The following ANK3 variants were observed in gnomAD, a reference collection of about 807,000 sequenced individuals.
ANK3 encodes ankyrin-3.
A neutral mutation model predicts 370.9 loss-of-function variants in ANK3; 57 were observed. The ratio of observed to expected loss-of-function variants is 0.15; its 90% CI spans 0.12 to 0.19. The LOEUF is 0.19. Among genes scored for constraint, ANK3 ranks in the 10% least tolerant of loss-of-function variants. ANK3 has a pLI of 1.00. For synonymous variants in ANK3, 1,929 were observed against 1,946.3 expected, an observed-to-expected ratio of 0.99 and a Z score of 0.23; for missense variants, 4,439 against 5,302.1, an observed-to-expected ratio of 0.84 and a Z score of 5.06.
chr10:60,513,730 A>T (rs1441284347), intron 2 of ANK3, among the ~76,000 whole-genome samples: 1 of 152,166 alleles, frequency 6.6e-6, no homozygotes, highest in African/African-American at 2.4e-5. Flanking sequence ...AATGCATAGC[A>T]TATGGAAGGG....
chr10:60,330,336 T>A (rs1330433017), intron 1 of ANK3, among the ~76,000 whole-genome samples: 1 of 152,140 alleles, frequency 6.6e-6, no homozygotes, highest in African/African-American at 2.4e-5. Context: ...ATCAACAGAC[T>A]GAACAGGCAG....
intron 1 of ANK3, among the ~76,000 whole-genome samples, chr10:60,321,995 T>C (rs1273780095): frequency 6.6e-6 from 1 of 152,202 alleles, no homozygotes; most frequent in Non-Finnish European, 1.5e-5. Flanking sequence ...TGGACCTCCC[T>C]ACTTTTGTAA....
chr10:60,540,606 G>A (rs1233140916), intron 2 of ANK3, among the ~76,000 whole-genome samples: 1 of 151,874 alleles, frequency 6.6e-6, no homozygotes, highest in Non-Finnish European at 1.5e-5. Flanking sequence ...AAGGTACATG[G>A]ATGAAGATGG....
chr10:60,635,658 C>T (rs977574434), intron 1 of ANK3, among the ~76,000 whole-genome samples: 3 of 151,296 alleles, frequency 2.0e-5, no homozygotes, highest in African/African-American at 4.9e-5. Flanking sequence ...TTAAAATGTT[C>T]GTAGTCATTT....
At chr10:60,665,768 C>T (rs1192698150) in intron 1 of ANK3, among the ~76,000 whole-genome samples, 2 of 152,078 alleles carry the variant, frequency 1.3e-5, no homozygotes, top group South Asian at 2.1e-4. Context: ...TCTCAACCAC[C>T]GTGTAATAAC....
At position 60,547,908 on chromosome 10, in the gene ANK3, T is replaced by C. The variant is rs368075574; in HGVS notation, c.96+67278A>G. Among the ~76,000 whole-genome samples the C allele has an allele frequency of 2.0e-5, 3 of 152,198 alleles. 1 individual carries two copies. Among genetic ancestry groups the C allele is most frequent in the African/African-American group, 7.2e-5 (3 of 41,492 alleles). The stretch of plus-strand genomic sequence containing the variant: ...CCATCTGGACATCATAGCCCTAAGT[T>C]TTATTTAATTTCTAAGAAAAAAAAC... On this transcript the variant is annotated intron_variant, in intron 2 of 43. Transcript: ENST00000373827.
chr10:60,693,204 A>G (rs2079383297), intron 1 of ANK3, among the ~76,000 whole-genome samples: 1 of 152,238 alleles, frequency 6.6e-6, no homozygotes, highest in Non-Finnish European at 1.5e-5. Context: ...GATGGGCTTA[A>G]AAAACAGCTC....
Position 60,076,218 on chromosome 10 carries a change from C to A in ANK3, c.4663G>T (p.Ala1555Ser), listed in dbSNP as rs371584557. Residue 1555 changes from alanine (A) to serine (S), a missense_variant, in exon 37 of 44, where the codon GCG (alanine) becomes TCG (serine). By Grantham distance (99) the Ala-to-Ser change is moderately conservative. Coordinates refer to ENST00000280772, the MANE Select transcript of ANK3 (RefSeq NM_020987.5). ...GATTTAACTGAAGATGTAGTTGACG[C>A]GCCTAATGTGGATTTGATTGGAGAA... Reference protein sequence around the residue: ...TPSPIKSTLGASTTSSVKSIS... With the variant: ...TPSPIKSTLGSSTTSSVKSIS... 1 of 1,613,998 alleles carries A rather than the reference C, an allele frequency of 6.2e-7. No individual in the cohort carries two copies. Among genetic ancestry groups the A allele is most frequent in the Non-Finnish European group, 8.5e-7 (1 of 1,180,004 alleles).
chr10:60,287,788 CT>C (rs1345905567), intron 1 of ANK3, among the ~76,000 whole-genome samples: 3 of 152,148 alleles, frequency 2.0e-5, no homozygotes, highest in African/African-American at 7.2e-5. Flanking sequence ...CATTTGAGTT[CT>C]GTGAAGCCCA....
chr10:60,158,536 T>G (rs2095412084), intron 23 of ANK3, among the ~76,000 whole-genome samples: 1 of 152,140 alleles, frequency 6.6e-6, no homozygotes, highest in African/African-American at 2.4e-5. Context: ...TTCTTTTCTT[T>G]GCAATCAGAA....
At chr10:60,081,299 G>C (rs1218367698) in intron 35 of ANK3, among the ~76,000 whole-genome samples, 2 of 152,106 alleles carry the variant, frequency 1.3e-5, no homozygotes, top group African/African-American at 4.8e-5. Context: ...TGGCTAGGCT[G>C]GTGTCGAACT....
At chr10:60,277,768 T>C (rs934982975) in intron 4 of ANK3, among the ~76,000 whole-genome samples, 12 of 152,188 alleles carry the variant, frequency 7.9e-5, no homozygotes, top group African/African-American at 2.9e-4. Flanking sequence ...AGTGTCTTTG[T>C]CAAAACTTGC....
At chr10:60,331,127 G>A (rs1037665078) in intron 1 of ANK3, among the ~76,000 whole-genome samples, 3 of 151,702 alleles carry the variant, frequency 2.0e-5, no homozygotes, top group Non-Finnish European at 2.9e-5. Flanking sequence ...GGGGTCGGGG[G>A]CATGGGGAGG....
intron 2 of ANK3, among the ~76,000 whole-genome samples, chr10:60,540,983 TA>T (rs1470328111): frequency 6.6e-6 from 1 of 151,850 alleles, no homozygotes; most frequent in African/African-American, 2.4e-5. Flanking sequence ...AAATAACAAA[TA>T]TATATCAAAA....
intron 1 of ANK3, among the ~76,000 whole-genome samples, chr10:60,643,500 A>ATCTATCTATCTATC (rs2078663991): frequency 1.8e-4 from 27 of 146,816 alleles, no homozygotes; most frequent in African/African-American, 6.5e-4. Context: ...ACTCCCCTTT[A>ATCTATCTATCTATC]TATCTATCTA....
In ANK3 at chr10:60,042,425, A is replaced by G. The variant is rs369703529; in HGVS notation, c.*19+247T>C. On this transcript the variant is annotated intron_variant, in intron 43 of 43. Coordinates refer to ENST00000280772, the MANE Select transcript of ANK3 (RefSeq NM_020987.5). ...ACTATTTATACTTGCTTCTGCAAAC[A>G]TAATTTACAATTAAATTGCTGCCTA... is the stretch of plus-strand genomic sequence containing the variant. Among the ~76,000 whole-genome samples, 5 of 152,356 alleles carry G rather than the reference A, an allele frequency of 3.3e-5. No homozygotes were observed. The East Asian group carries it at 5.8e-4, about 18-fold the overall frequency.
At chr10:60,246,535 C>G (rs905978326) in intron 7 of ANK3, among the ~76,000 whole-genome samples, 4 of 152,194 alleles carry the variant, frequency 2.6e-5, no homozygotes, top group Non-Finnish European at 5.9e-5. Context: ...TCACTGCTCT[C>G]AGAGAGACCA....
intron 30 of ANK3, 85 bp downstream of exon 30, chr10:60,086,592 A>C (rs1160846909): frequency 8.4e-7 from 1 of 1,193,436 alleles, no homozygotes; most frequent in Non-Finnish European, 1.2e-6. Context: ...GGATATTTCA[A>C]AGGTTTTATA....
chr10:60,550,872 T>G (rs931110415), intron 2 of ANK3, among the ~76,000 whole-genome samples: 4 of 152,100 alleles, frequency 2.6e-5, no homozygotes, highest in African/African-American at 9.6e-5. Context: ...TTTTTGTAAC[T>G]TCTGCTTAAT....
Sources: allele counts gnomAD v4.1 joint callset (sites outside exome capture counted in the v4.1 genomes callset), GRCh38; gene constraint gnomAD v4.1.1; transcripts MANE v1.5; gene names NCBI Gene and HGNC (gene_info 2026-07-23, HGNC 2026-07-21).